NCOA3: variants seen among roughly 807,000 people sequenced by gnomAD.
NCOA3 encodes the protein nuclear receptor coactivator 3.
A neutral mutation model predicts 158.8 loss-of-function variants in NCOA3; 51 were observed. The ratio of observed to expected loss-of-function variants is 0.32; its 90% CI spans 0.26 to 0.41. The LOEUF is 0.41. NCOA3 is among the 10% of genes least tolerant of loss of function. The probability of loss-of-function intolerance (pLI) is 1.00; values close to 1 mark genes in which losing one functional copy is unlikely to be tolerated. For synonymous variants in NCOA3, 537 were observed against 592.4 expected, an observed-to-expected ratio of 0.91 and a Z score of 1.36; for missense variants, 1,510 against 1,746.6, an observed-to-expected ratio of 0.86 and a Z score of 2.41.
At chr20:47,626,429 T>C (rs1000529987) in intron 5 of NCOA3, among the ~76,000 whole-genome samples, 3 of 152,176 alleles carry the variant, frequency 2.0e-5, no homozygotes, top group African/African-American at 7.2e-5. Context: ...AAAAATTAGG[T>C]TAGACATTAA....
At chr20:47,505,460 C>T (rs2084017229) in intron 1 of NCOA3, among the ~76,000 whole-genome samples, 1 of 152,006 alleles carries the variant, frequency 6.6e-6, no homozygotes, top group Non-Finnish European at 1.5e-5. Flanking sequence ...ATATTAGCCG[C>T]CAGTGACTTT....
chr20:47,591,612 CTTTTA>C (rs2085641987), intron 2 of NCOA3, among the ~76,000 whole-genome samples: 1 of 152,130 alleles, frequency 6.6e-6, no homozygotes, highest in Non-Finnish European at 1.5e-5. Flanking sequence ...ATTGTCTCAA[CTTTTA>C]TTTATCTGAA....
intron 1 of NCOA3, among the ~76,000 whole-genome samples, chr20:47,506,038 C>T (rs2146040940): frequency 6.6e-6 from 1 of 152,112 alleles, no homozygotes; most frequent in East Asian, 1.9e-4. Flanking sequence ...CTCCTGACCT[C>T]AAGTGATCCT....
chr20:47,505,854 T>G (rs1393285758), intron 1 of NCOA3, among the ~76,000 whole-genome samples: 2 of 141,944 alleles, frequency 1.4e-5, no homozygotes, highest in Non-Finnish European at 3.0e-5. Flanking sequence ...CAGGCTGGAG[T>G]GCAGTGGCAT....
chr20:47,645,450 A>G (rs2086672342), intron 17 of NCOA3, among the ~76,000 whole-genome samples: 2 of 152,138 alleles, frequency 1.3e-5, no homozygotes, highest in South Asian at 4.1e-4. Context: ...TGGGCACATA[A>G]GTCTAAGTTT....
Position 47,518,369 on chromosome 20 carries a change from GA to G in NCOA3, c.-99+16359del, listed in dbSNP as rs201067691. ...TCAAAATAAATAAATTAAATTGGGG[GA>G]AAAAAAAAGAAACATAATTGAAAAA... On this transcript the variant is annotated intron_variant, in intron 1 of 22. Transcript: ENST00000371998. Among the ~76,000 whole-genome samples the G allele has an allele frequency of 1.1e-3, 152 of 141,698 alleles. 2 individuals are homozygous for G. Among genetic ancestry groups the G allele is most frequent in the East Asian group, 6.3e-3 (31 of 4,932 alleles). 93.0% of individuals were successfully genotyped at this position (141,698 alleles called of 152,430 possible).
intron 9 of NCOA3, 129 bp downstream of exon 9, chr20:47,633,765 A>G: frequency 1.9e-6 from 2 of 1,049,404 alleles, no homozygotes; most frequent in Non-Finnish European, 2.8e-6. Flanking sequence ...TGAGTAGCCA[A>G]GACTGCAGGT....
intron 1 of NCOA3, among the ~76,000 whole-genome samples, chr20:47,503,530 T>G (rs2083977991): frequency 6.6e-6 from 1 of 152,206 alleles, no homozygotes; most frequent in East Asian, 1.9e-4. Flanking sequence ...ATAATTATTT[T>G]AAGATTTTCA....
chr20:47,588,378 G>A (rs1285868772), intron 2 of NCOA3, among the ~76,000 whole-genome samples: 4 of 151,358 alleles, frequency 2.6e-5, no homozygotes, highest in Admixed American at 6.6e-5. Context: ...CAGGCGATCC[G>A]CCCGCCTCTG....
At chr20:47,594,613 G>A (rs1191418587) in intron 2 of NCOA3, among the ~76,000 whole-genome samples, 1 of 139,666 alleles carries the variant, frequency 7.2e-6, no homozygotes, top group Middle Eastern at 3.5e-3. Flanking sequence ...TGCAGTGAGT[G>A]GAGATTGTGC....
chr20:47,530,519 G>A (rs901383390), intron 1 of NCOA3, among the ~76,000 whole-genome samples: 3 of 144,742 alleles, frequency 2.1e-5, no homozygotes, highest in Admixed American at 7.1e-5. Flanking sequence ...CTGTAGGGCC[G>A]TGGCACGATC....
chr20:47,654,740 T>C lies in NCOA3; in HGVS notation c.*1323T>C, dbSNP rs903014743. On this transcript the variant is annotated 3_prime_UTR_variant, in exon 23 of 23. Transcript: ENST00000371998. ...ACTTTGTTAATTTGGGGGGAAAGAA[T>C]AGATATGGGGAAATAAACTTAAAAA... 2.0e-5 allele frequency: 3 copies of C among 152,132 alleles called. No individual in the cohort carries two copies. Among genetic ancestry groups the C allele is most frequent in the African/African-American group, 7.3e-5 (3 of 41,370 alleles). 9.4% of individuals were successfully genotyped at this position (152,132 alleles called of 1,614,324 possible). A position where few individuals can be genotyped will look rare whatever the true frequency, so the allele number is the denominator to read the frequency against.
intron 2 of NCOA3, among the ~76,000 whole-genome samples, chr20:47,608,281 A>G (rs1273960149): frequency 6.6e-6 from 1 of 152,164 alleles, no homozygotes; most frequent in East Asian, 1.9e-4. Flanking sequence ...ATTGCACTCC[A>G]GCCCAGCCTG....
intron 1 of NCOA3, among the ~76,000 whole-genome samples, chr20:47,539,029 T>C (rs1041958389): frequency 1.3e-5 from 2 of 152,260 alleles, no homozygotes; most frequent in Non-Finnish European, 2.9e-5. Context: ...TGCCTTTGGG[T>C]AAGGTTTTCC....
intron 1 of NCOA3, among the ~76,000 whole-genome samples, chr20:47,563,434 A>G (rs985316009): frequency 1.3e-5 from 2 of 152,162 alleles, no homozygotes; most frequent in Non-Finnish European, 2.9e-5. Context: ...CTATCTCTGT[A>G]CTTGGTCTCA....
At chr20:47,589,938 T>A (rs935954839) in intron 2 of NCOA3, among the ~76,000 whole-genome samples, 4 of 151,662 alleles carry the variant, frequency 2.6e-5, no homozygotes, top group Admixed American at 6.6e-5. Context: ...GTTTTCTTTT[T>A]AAAAAAATTT....
At chr20:47,527,717 C>T (rs1453586940) in intron 1 of NCOA3, among the ~76,000 whole-genome samples, 1 of 152,106 alleles carries the variant, frequency 6.6e-6, no homozygotes, top group African/African-American at 2.4e-5. Context: ...CTGTCTGTTC[C>T]ATTTTGTGTT....
chr20:47,637,895 CAT>C, intron 13 of NCOA3, 112 bp downstream of exon 13: 1 of 936,780 alleles, frequency 1.1e-6, no homozygotes, highest in Middle Eastern at 2.9e-4. Context: ...AACTTCAGAA[CAT>C]ATATTCTGCC....
At chr20:47,560,604 C>T (rs2085083845) in intron 1 of NCOA3, among the ~76,000 whole-genome samples, 1 of 152,042 alleles carries the variant, frequency 6.6e-6, no homozygotes, top group Non-Finnish European at 1.5e-5. Flanking sequence ...ATAGGTATGT[C>T]GTAGTATCTC....
Sources: gnomAD v4.1 joint callset for allele counts (sites outside exome capture counted in the v4.1 genomes callset) on GRCh38, gnomAD v4.1.1 for gene constraint, MANE v1.5 for transcripts, NCBI Gene and HGNC (gene_info 2026-07-23, HGNC 2026-07-21) for gene names.